Variants in RUSC2 observed in about 807,000 individuals in gnomAD.
The protein encoded by RUSC2 is AP-4 complex accessory subunit RUSC2.
A neutral mutation model predicts 122.2 loss-of-function variants in RUSC2; 34 were observed. That is an observed-to-expected ratio of 0.28 (90% confidence interval 0.21 to 0.37). RUSC2 has a LOEUF of 0.37. Among genes scored for constraint, RUSC2 ranks in the 10% least tolerant of loss-of-function variants. The pLI is 1.00. For synonymous variants in RUSC2, 784 were observed against 790.0 expected (o/e 0.99, Z 0.13); for missense variants, 1,747 against 1,952.4 (o/e 0.89, Z 1.98).
At chr9:35,511,431 G>A (rs546402974) in intron 1 of RUSC2, among the ~76,000 whole-genome samples, 2 of 152,176 alleles carry the variant, frequency 1.3e-5, no homozygotes, top group South Asian at 2.1e-4. Context: ...AGGAGCTGTC[G>A]CAAGGATACT....
chr9:35,510,700 C>T (rs1027572014), intron 1 of RUSC2, among the ~76,000 whole-genome samples: 2 of 152,086 alleles, frequency 1.3e-5, no homozygotes, highest in Admixed American at 6.5e-5. Flanking sequence ...TTCTCAGGGC[C>T]GCAGATTCCT....
intron 1 of RUSC2, among the ~76,000 whole-genome samples, chr9:35,536,693 A>C (rs945973159): frequency 6.6e-6 from 1 of 151,506 alleles, no homozygotes; most frequent in Non-Finnish European, 1.5e-5. Flanking sequence ...AGGTGCCTGT[A>C]ATCCCAGCTA....
chr9:35,532,204 G>C (rs1464677533), intron 1 of RUSC2, among the ~76,000 whole-genome samples: 1 of 152,172 alleles, frequency 6.6e-6, no homozygotes, highest in African/African-American at 2.4e-5. Flanking sequence ...TTTTCGATAT[G>C]TTGAATTTGA....
Position 35,547,312 on chromosome 9 carries a change from A to G in RUSC2, c.791A>G (p.Gln264Arg). Reference sequence around the variant, plus strand: ...TCCAGTCAGTCCGAGGCAGCTGACCAGTCCATGGGCTATGTGAGCGACTCC... The same window carrying G: ...TCCAGTCAGTCCGAGGCAGCTGACCGGTCCATGGGCTATGTGAGCGACTCC... ...STSSQSEAAD[Q>R]SMGYVSDSSC... The change falls in exon 2 of 12, where the codon CAG becomes CGG. Residue 264 changes from glutamine to arginine, a missense_variant. Transcript: ENST00000361226. This position sits in a 1 kb window ranked among gnomAD's most constrained non-coding sequence, Gnocchi z 4.6. The G allele has an allele frequency of 1.2e-6, 2 of 1,614,154 alleles. No individual in the cohort carries two copies. The highest frequency in any genetic ancestry group is 1.7e-6 in the Non-Finnish European group (2 of 1,180,012).
At chr9:35,545,316 T>C (rs1318842954) in intron 1 of RUSC2, among the ~76,000 whole-genome samples, 1 of 152,078 alleles carries the variant, frequency 6.6e-6, no homozygotes, top group Admixed American at 6.6e-5. Context: ...AGAAAGGAAA[T>C]GAATGAATTT....
intron 1 of RUSC2, among the ~76,000 whole-genome samples, chr9:35,497,588 G>C (rs572703740): frequency 2.6e-5 from 4 of 152,234 alleles, no homozygotes; most frequent in Non-Finnish European, 5.9e-5. Context: ...AGCTATCTTA[G>C]GACAACAAGA....
In RUSC2 at chr9:35,555,696, G is replaced by A; in HGVS notation, c.2651G>A (p.Ser884Asn). Residue 884 changes from serine to asparagine, a missense_variant, in exon 3 of 12, where the codon AGT becomes AAT. By Grantham distance (46) the Ser-to-Asn change is conservative. Coordinates refer to ENST00000361226, the MANE Select transcript of RUSC2 (RefSeq NM_014806.5). This position sits in a 1 kb window ranked among gnomAD's most constrained non-coding sequence, Gnocchi z 4.6. ...GGEGSMATRPSNANHLSPQAL... is the reference protein window; with the variant it reads ...GGEGSMATRPNNANHLSPQAL... ...GAGGGCAGCATGGCCACCAGGCCCA[G>A]TAATGGTACGAGCTCCAGCATCTCC... 1 of 1,586,076 alleles carries A rather than the reference G, an allele frequency of 6.3e-7. No individual in the cohort carries two copies. The highest frequency in any genetic ancestry group is 8.5e-7 in the Non-Finnish European group (1 of 1,176,210).
chr9:35,490,123 C>CGCT lies in RUSC2; in HGVS notation c.-140_-139insTGC, dbSNP rs1554722650. On this transcript the variant is annotated 5_prime_UTR_variant, in exon 1 of 12. Coordinates refer to ENST00000361226, the MANE Select transcript of RUSC2 (RefSeq NM_014806.5). ...ACCCCTGGAGGGCGAGACACGCCGC[C>CGCT]GCCGCCGCCGCCGCCGGCGCGGAAG... 1 of 101,316 alleles carries CGCT rather than the reference C, an allele frequency of 9.9e-6. No individual in the cohort carries two copies. Among genetic ancestry groups the CGCT allele is most frequent in the African/African-American group, 3.2e-5 (1 of 31,132 alleles). The allele number at this position is 101,316 out of a possible 1,614,324, so 6.3% of individuals were successfully genotyped here. A position where few individuals can be genotyped will look rare whatever the true frequency, so the allele number is the denominator to read the frequency against.
chr9:35,524,788 G>A (rs981581465), intron 1 of RUSC2, among the ~76,000 whole-genome samples: 3 of 152,164 alleles, frequency 2.0e-5, no homozygotes, highest in East Asian at 1.9e-4. Flanking sequence ...TGGGTAACAC[G>A]GTGAAACCCC....
In RUSC2 at chr9:35,547,364, G is replaced by C; in HGVS notation, c.843G>C (p.Leu281=). 6.2e-7 allele frequency: 1 copy of C among 1,614,130 alleles called. No homozygotes were observed. Among genetic ancestry groups the C allele is most frequent in the Admixed American group, 1.7e-5 (1 of 60,018 alleles). ...DSSCNSSDGV[L]VTFSTLYNKM... ...CCTGCAACAGTTCAGATGGTGTGCTGGTCACCTTCAGCACCCTCTACAACA... is the reference window on the plus strand; with the variant it reads ...CCTGCAACAGTTCAGATGGTGTGCTCGTCACCTTCAGCACCCTCTACAACA... The change falls in exon 2 of 12, where the codon CTG becomes CTC. Residue 281 remains leucine, a synonymous_variant. Transcript: ENST00000361226. The surrounding 1 kb of genome is among the most constrained non-coding windows in gnomAD (Gnocchi z 4.6).
chr9:35,491,410 G>C (rs1820565445), intron 1 of RUSC2, among the ~76,000 whole-genome samples: 1 of 152,224 alleles, frequency 6.6e-6, no homozygotes, highest in Admixed American at 6.5e-5. Flanking sequence ...ATGGAAGGAA[G>C]AGCAGATCCA....
rs760429191 is a variant in RUSC2 at position 35,558,148 on chromosome 9, C to T, written c.3061-49C>T. The T allele has an allele frequency of 2.5e-6, 4 of 1,598,804 alleles. No homozygotes were observed. The Admixed American group carries it at 6.7e-5, about 27-fold the overall frequency. On this transcript the variant is annotated intron_variant, in intron 6 of 11. Coordinates refer to ENST00000361226, the MANE Select transcript of RUSC2 (RefSeq NM_014806.5). This position sits in a 1 kb window ranked among gnomAD's most constrained non-coding sequence, Gnocchi z 4.3. The stretch of plus-strand genomic sequence containing the variant: ...CCATGAGGGCCTGCTACGAGAGGAC[C>T]ACAGTCAGGCCTGAGGGGGTTTCCT...
At chr9:35,526,772 T>A (rs2132524815) in intron 1 of RUSC2, among the ~76,000 whole-genome samples, 1 of 152,278 alleles carries the variant, frequency 6.6e-6, no homozygotes, top group South Asian at 2.1e-4. Flanking sequence ...AGACCCTGTC[T>A]CAAAACAAAA....
Position 35,548,027 on chromosome 9 carries a change from C to A in RUSC2, c.1506C>A (p.Ser502Arg), listed in dbSNP as rs1218004245. ...GRQRSRSYDR[S>R]LQRSPPVRLG... is the part of the protein sequence containing the mutation. ...AGCGCTCCCGCAGCTATGATCGCAG[C>A]CTGCAGCGCAGCCCTCCTGTCCGCC... Residue 502 changes from serine to arginine, a missense_variant, in exon 2 of 12, where the codon AGC becomes AGA. Coordinates refer to ENST00000361226, the MANE Select transcript of RUSC2 (RefSeq NM_014806.5). The surrounding 1 kb of genome is among the most constrained non-coding windows in gnomAD (Gnocchi z 4.5). 6.2e-7 allele frequency: 1 copy of A among 1,613,878 alleles called. No homozygotes were observed. The highest frequency in any genetic ancestry group is 1.7e-5 in the Admixed American group (1 of 60,032).
rs375519851 is a variant in RUSC2, at chr9:35,560,943, C to G, written c.4212-17C>G. The G allele has an allele frequency of 1.9e-6, 3 of 1,611,454 alleles. No homozygotes were observed. The highest frequency in any genetic ancestry group is 1.6e-4 in the Middle Eastern group (1 of 6,066). On this transcript the variant is annotated splice_polypyrimidine_tract_variant and intron_variant, in intron 10 of 11. Coordinates refer to ENST00000361226, the MANE Select transcript of RUSC2 (RefSeq NM_014806.5). Reference sequence around the variant, plus strand: ...AGCCCATCCTGGGCAGAGCCTGAGTCCAGCTGCTGTCCCTAGGCTCCCCTC... The same window carrying G: ...AGCCCATCCTGGGCAGAGCCTGAGTGCAGCTGCTGTCCCTAGGCTCCCCTC...
intron 1 of RUSC2, among the ~76,000 whole-genome samples, chr9:35,531,881 C>A (rs1821426226): frequency 6.6e-6 from 1 of 152,112 alleles, no homozygotes; most frequent in Admixed American, 6.6e-5. Flanking sequence ...AAAAAATTAG[C>A]CAGGCGTGGT....
intron 1 of RUSC2, among the ~76,000 whole-genome samples, chr9:35,508,592 C>A (rs567150719): frequency 6.6e-6 from 1 of 152,306 alleles, no homozygotes; most frequent in Non-Finnish European, 1.5e-5. Context: ...GAATATCATA[C>A]CAAAATGGTA....
At position 35,555,433 on chromosome 9, in the gene RUSC2, T is replaced by C; in HGVS notation, c.2388T>C (p.Ser796=). The change falls in exon 3 of 12, where the codon TCT becomes TCC. Residue 796 remains serine, a synonymous_variant. Coordinates refer to ENST00000361226, the MANE Select transcript of RUSC2 (RefSeq NM_014806.5). The surrounding 1 kb of genome is among the most constrained non-coding windows in gnomAD (Gnocchi z 4.6). ...CCTTTGGGCCCAGCACTGACTCTTC[T>C]GCCTCCACTTCGTGCTCCCCTCCCC... The part of the protein sequence containing the change: ...VGPFGPSTDS[S]ASTSCSPPPE... The C allele has an allele frequency of 6.2e-7, 1 of 1,614,226 alleles. No individual in the cohort carries two copies. Among genetic ancestry groups the C allele is most frequent in the Non-Finnish European group, 8.5e-7 (1 of 1,180,042 alleles).
At chr9:35,503,985 G>A (rs1432363092) in intron 1 of RUSC2, among the ~76,000 whole-genome samples, 1 of 152,112 alleles carries the variant, frequency 6.6e-6, no homozygotes, top group Non-Finnish European at 1.5e-5. Flanking sequence ...ATGTCGCCCA[G>A]GGTGGTCTCA....
Sources: gnomAD v4.1 joint callset for allele counts (sites outside exome capture counted in the v4.1 genomes callset) on GRCh38, gnomAD v4.1.1 for gene constraint, Gnocchi (gnomAD v3.1) non-coding constraint, MANE v1.5 for transcripts, NCBI Gene and HGNC (gene_info 2026-07-23, HGNC 2026-07-21) for gene names.